KIF5B: variants seen among roughly 807,000 people sequenced by gnomAD.
KIF5B encodes the protein kinesin-1 heavy chain.
A neutral mutation model predicts 132.8 loss-of-function variants in KIF5B; 49 were observed. The observed-to-expected ratio is 0.37, with a 90% CI of 0.29 to 0.47. KIF5B has a LOEUF of 0.47. KIF5B is among the 20% of genes least tolerant of loss of function. The probability of loss-of-function intolerance (pLI) is 1.00; values close to 1 mark genes in which losing one functional copy is unlikely to be tolerated. For synonymous variants in KIF5B, 355 were observed against 369.4 expected, an observed-to-expected ratio of 0.96 and a Z score of 0.45; for missense variants, 780 against 1,144.0, an observed-to-expected ratio of 0.68 and a Z score of 4.59.
chr10:32,021,343 T>A, intron 17 of KIF5B, 56 bp from the exon 18 acceptor site: 1 of 1,256,318 alleles, frequency 8.0e-7, no homozygotes, highest in Non-Finnish European at 1.1e-6. Context: ...GTTCCTCATA[T>A]AAACCAAGGA....
Position 32,048,538 on chromosome 10 carries a change from G to A in KIF5B, c.140C>T (p.Ala47Val). Residue 47 changes from alanine (A) to valine (V), a missense_variant, in exon 2 of 26, where the codon GCA becomes GTA. Physicochemically the swap from Ala to Val is moderately conservative, Grantham distance 64 (BLOSUM62 0). Transcript: ENST00000302418. ...DTVVIASKPY[A>V]FDRVFQSSTS... The stretch of plus-strand genomic sequence containing the variant: ...GCTTGACTGGAACACCCGATCAAAT[G>A]CATAAGGCTTGGACTGAAAAACAAA... 2 of 1,613,288 alleles carry A rather than the reference G, an allele frequency of 1.2e-6. No homozygotes were observed. The highest frequency in any genetic ancestry group is 1.7e-6 in the Non-Finnish European group (2 of 1,179,564).
chr10:32,053,237 C>T (rs1841715293), intron 1 of KIF5B, among the ~76,000 whole-genome samples: 1 of 152,068 alleles, frequency 6.6e-6, no homozygotes, highest in African/African-American at 2.4e-5. Context: ...CTCCTGGCTG[C>T]TCTTATAACC....
At chr10:32,054,381 C>A (rs1841728230) in intron 1 of KIF5B, among the ~76,000 whole-genome samples, 1 of 152,224 alleles carries the variant, frequency 6.6e-6, no homozygotes, top group Non-Finnish European at 1.5e-5. Context: ...ACAAAGAACT[C>A]GCCTGACAGT....
At chr10:32,047,652 A>G (rs561169113) in intron 2 of KIF5B, among the ~76,000 whole-genome samples, 5 of 152,256 alleles carry the variant, frequency 3.3e-5, no homozygotes, top group African/African-American at 9.6e-5. Context: ...TAAACCTTCT[A>G]TAACTCCACT....
chr10:32,031,076 T>C lies in KIF5B; in HGVS notation c.1578A>G (p.Lys526=), dbSNP rs774758155. The change falls in exon 14 of 26, where the codon AAA becomes AAG. Residue 526 remains lysine, a synonymous_variant. Transcript: ENST00000302418. ...AGAAAATAAAACTATATCCTACCGATTTCTGATTCAATTCATCACTAAGCA... is the reference window on the plus strand; with the variant it reads ...AGAAAATAAAACTATATCCTACCGACTTCTGATTCAATTCATCACTAAGCA... ...YELLSDELNQ[K]SATLASIDAE... The C allele has an allele frequency of 2.9e-5, 47 of 1,606,120 alleles. No individual in the cohort carries two copies. In the Admixed American group the frequency reaches 7.3e-4, roughly 25 times the overall value.
chr10:32,038,220 T>A lies in KIF5B; in HGVS notation c.443-2A>T. The A allele has an allele frequency of 2.5e-6, 4 of 1,602,110 alleles. No homozygotes were observed. On this transcript the variant is annotated splice_acceptor_variant, in intron 5 of 25. Coordinates refer to ENST00000302418, the MANE Select transcript of KIF5B (RefSeq NM_004521.3). LOFTEE classifies it high-confidence loss of function. ...GAACTGAAAGGTTGGTCTTTGAAAC[T>A]GAGAAAGAAAAACAAATGTTAGCAA...
At chr10:32,048,804 A>G (rs915811973) in intron 1 of KIF5B, among the ~76,000 whole-genome samples, 9 of 152,302 alleles carry the variant, frequency 5.9e-5, no homozygotes, top group Admixed American at 5.2e-4. Context: ...TATAATTCCC[A>G]GTAATTATAA....
intron 16 of KIF5B, 82 bp from the exon 17 acceptor site, chr10:32,022,339 C>G: frequency 1.4e-6 from 1 of 691,334 alleles, no homozygotes; most frequent in Non-Finnish European, 2.5e-6. Flanking sequence ...ATTTCATTAT[C>G]TATATATGAT....
chr10:32,032,260 A>T (rs1841412301), intron 13 of KIF5B, among the ~76,000 whole-genome samples: 1 of 152,192 alleles, frequency 6.6e-6, no homozygotes, highest in African/African-American at 2.4e-5. Context: ...CCCTTTGAGG[A>T]ATAATGCTAT....
rs1449617726 is a variant in KIF5B at position 32,038,287 on chromosome 10, T to C, written c.443-69A>G. On this transcript the variant is annotated intron_variant, in intron 5 of 25. Coordinates refer to ENST00000302418, the MANE Select transcript of KIF5B (RefSeq NM_004521.3). Reference sequence around the variant, plus strand: ...TTAACACTGGATATGAAATAACTGATAGGCTTTCCTGAGCAGCCTAACAGC... The same window carrying C: ...TTAACACTGGATATGAAATAACTGACAGGCTTTCCTGAGCAGCCTAACAGC... The C allele has an allele frequency of 1.9e-5, 20 of 1,079,366 alleles. No individual in the cohort carries two copies. The Admixed American group carries it at 3.8e-4, about 20-fold the overall frequency. 66.9% of individuals were successfully genotyped at this position (1,079,366 alleles called of 1,614,324 possible).
In KIF5B at chr10:32,028,505, G is replaced by A. The variant is rs1190753213; in HGVS notation, c.1648C>T (p.Arg550Ter). The part of the protein sequence containing the change: ...LKEMTNHQKK[R>*]AAEMMASLLK... ...AAAGATGCCATCATCTCAGCTGCTC[G>A]TTTTTTCTGGTGGTTGGTCATTTCC... Residue 550 changes from arginine to a stop codon, truncating the protein, a stop_gained, in exon 15 of 26, where the codon CGA (arginine) becomes TGA (stop). Coordinates refer to ENST00000302418, the MANE Select transcript of KIF5B (RefSeq NM_004521.3). LOFTEE classifies it high-confidence loss of function. 1 of 1,613,376 alleles carries A rather than the reference G, an allele frequency of 6.2e-7. No homozygotes were observed. The highest frequency in any genetic ancestry group is 8.5e-7 in the Non-Finnish European group (1 of 1,179,520).
At chr10:32,040,263 T>C in intron 3 of KIF5B, 121 bp downstream of exon 3, 1 of 701,414 alleles carries the variant, frequency 1.4e-6, no homozygotes, top group Non-Finnish European at 2.6e-6. Flanking sequence ...TGTATATTAT[T>C]TGTATGAGAA....
At chr10:32,026,575 C>CT (rs1400625979) in intron 15 of KIF5B, among the ~76,000 whole-genome samples, 1 of 142,126 alleles carries the variant, frequency 7.0e-6, no homozygotes, top group Non-Finnish European at 1.5e-5. Context: ...GCAAAGACGA[C>CT]TTATTTTCAA....
Position 32,037,559 on chromosome 10 carries a change from T to C in KIF5B, c.547A>G (p.Ile183Val), listed in dbSNP as rs778083274. 14 of 1,613,510 alleles carry C rather than the reference T, an allele frequency of 8.7e-6. No homozygotes were observed. Among genetic ancestry groups the C allele is most frequent in the Non-Finnish European group, 1.2e-5 (14 of 1,179,498 alleles). ...VCSPDEVMDT[I>V]DEGKSNRHVA... ...TGTCTGTTGGATTTTCCTTCATCTA[T>C]GGTATCCATAACTTCATCTGGACTA... Residue 183 changes from isoleucine (I) to valine (V), a missense_variant, in exon 7 of 26, where the codon ATA (isoleucine) becomes GTA (valine). Transcript: ENST00000302418.
chr10:32,041,119 CTGGGTG>C (rs1841531242), intron 2 of KIF5B, among the ~76,000 whole-genome samples: 4 of 147,904 alleles, frequency 2.7e-5, no homozygotes, highest in Non-Finnish European at 4.4e-5. Context: ...GCACTCCAGC[CTGGGTG>C]ACACAGTGAG....
chr10:32,055,021 A>G (rs1841735267), intron 1 of KIF5B, among the ~76,000 whole-genome samples: 1 of 152,212 alleles, frequency 6.6e-6, no homozygotes, highest in Non-Finnish European at 1.5e-5. Context: ...GTTTGTTTTT[A>G]TAACACTTTC....
At chr10:32,053,648 C>T (rs143181515) in intron 1 of KIF5B, among the ~76,000 whole-genome samples, 275 of 151,406 alleles carry the variant, frequency 1.8e-3, no homozygotes, top group African/African-American at 3.1e-3. Flanking sequence ...CGTTTGAACC[C>T]GGGAGGCGGA....
At chr10:32,022,311 G>T in intron 16 of KIF5B, 54 bp from the exon 17 acceptor site, 1 of 844,268 alleles carries the variant, frequency 1.2e-6, no homozygotes. Flanking sequence ...TACACTTTAA[G>T]AATATTTGAC....
rs116097967 is a variant in KIF5B, at chr10:32,022,120, T to G, written c.2032+20A>C. The G allele has an allele frequency of 8.2e-7, 1 of 1,213,960 alleles. No individual in the cohort carries two copies. Among genetic ancestry groups the G allele is most frequent in the Non-Finnish European group, 1.2e-6 (1 of 835,542 alleles). 75.2% of individuals were successfully genotyped at this position (1,213,960 alleles called of 1,614,324 possible). A position where few individuals can be genotyped will look rare whatever the true frequency, so the allele number is the denominator to read the frequency against. Reference sequence around the variant, plus strand: ...AAAATAAGAACACAGATGTAACTCATAAACAGTTGGAAGCTATACCTTGTG... The same window carrying G: ...AAAATAAGAACACAGATGTAACTCAGAAACAGTTGGAAGCTATACCTTGTG... On this transcript the variant is annotated intron_variant, in intron 17 of 25. Coordinates refer to ENST00000302418, the MANE Select transcript of KIF5B (RefSeq NM_004521.3).
Sources: gnomAD v4.1 joint callset for allele counts (sites outside exome capture counted in the v4.1 genomes callset) on GRCh38, gnomAD v4.1.1 for gene constraint, MANE v1.5 for transcripts, NCBI Gene and HGNC (gene_info 2026-07-23, HGNC 2026-07-21) for gene names.